Variants in PFKFB3 observed in about 807,000 individuals in gnomAD.
PFKFB3 encodes 6-phosphofructo-2-kinase/fructose-2,6-bisphosphatase 3.
A neutral mutation model predicts 68.0 loss-of-function variants in PFKFB3; 33 were observed. The observed-to-expected ratio is 0.49, with a 90% confidence interval of 0.37 to 0.65. The LOEUF (loss-of-function observed/expected upper bound fraction) is 0.65. Ranked by LOEUF, PFKFB3 falls within the 30% of genes least tolerant of loss-of-function variation. The pLI is 0.00. For synonymous variants in PFKFB3, 315 were observed against 288.2 expected (o/e 1.09, Z -0.94); for missense variants, 586 against 712.2 (o/e 0.82, Z 2.02).
downstream of PFKFB3, among the ~76,000 whole-genome samples, chr10:6,259,621 C>CCATCCATCCATCCACCCATCCAT (rs1227202482): frequency 2.6e-5 from 1 of 37,886 alleles, no homozygotes; most frequent in African/African-American, 6.1e-5. Flanking sequence ...CATCCATCCA[C>CCATCCATCCATCCACCCATCCAT]CCATCCATCC....
At chr10:6,221,883 C>T (rs528187818) in intron 10 of PFKFB3, 138 bp downstream of exon 10, 2 of 620,680 alleles carry the variant, frequency 3.2e-6, no homozygotes, top group South Asian at 3.9e-5. Context: ...AACTGAGTCC[C>T]CCCAAACTGA....
chr10:6,213,493 G>A (rs1844363533), intron 1 of PFKFB3, 130 bp from the exon 2 acceptor site: 1 of 1,064,148 alleles, frequency 9.4e-7, no homozygotes, highest in Non-Finnish European at 1.4e-6. Flanking sequence ...CTCCCGCCTG[G>A]GCAACAGAGT....
At chr10:6,200,657 AGCG>A (rs1564613366), upstream of PFKFB3, among the ~76,000 whole-genome samples, 2 of 142 alleles carry the variant, frequency 0.014, no homozygotes, top group South Asian at 0.25. Flanking sequence ...AGATGTAAGG[AGCG>A]GGGGGGGGGG....
At chr10:6,257,493 C>A (rs1343128914), downstream of PFKFB3, among the ~76,000 whole-genome samples, 1 of 152,120 alleles carries the variant, frequency 6.6e-6, no homozygotes, top group Non-Finnish European at 1.5e-5. Flanking sequence ...GTGACTTGAC[C>A]ATGGTAGGGA....
the PFKFB3 span, among the ~76,000 whole-genome samples, chr10:6,284,069 G>A: frequency 6.6e-6 from 1 of 152,150 alleles, no homozygotes; most frequent in Non-Finnish European, 1.5e-5. Context: ...GTGCTTCAGC[G>A]TTATATTTGT....
At chr10:6,183,218 A>G (rs1312308791) in intron 1 of PFKFB3, among the ~76,000 whole-genome samples, 1 of 152,220 alleles carries the variant, frequency 6.6e-6, no homozygotes, top group Non-Finnish European at 1.5e-5. Flanking sequence ...GACTTTGAAC[A>G]GCTGCGGAAT....
At chr10:6,184,236 A>C (rs188122806) in intron 1 of PFKFB3, among the ~76,000 whole-genome samples, 2,333 of 151,854 alleles carry the variant, frequency 0.015, 27 homozygotes, top group Middle Eastern at 0.027. Context: ...TATTTTTAGT[A>C]GAGACGGGGT....
At chr10:6,266,376 C>T in the PFKFB3 span, among the ~76,000 whole-genome samples, 3 of 152,124 alleles carry the variant, frequency 2.0e-5, no homozygotes, top group African/African-American at 4.8e-5. Flanking sequence ...TTGAGGACGT[C>T]GTTGATTTCT....
chr10:6,205,517 C>T (rs934791523), intron 1 of PFKFB3, among the ~76,000 whole-genome samples: 4 of 151,426 alleles, frequency 2.6e-5, no homozygotes, highest in Middle Eastern at 3.5e-3. Flanking sequence ...CTCAGTCTCC[C>T]GAGAAGCTGG....
intron 13 of PFKFB3, among the ~76,000 whole-genome samples, chr10:6,225,755 G>A (rs78978271): frequency 3.9e-3 from 58 of 14,744 alleles, no homozygotes; most frequent in Admixed American, 4.4e-3. Context: ...ATCCTGCCTC[G>A]GGTCAGCGGA....
chr10:6,157,691 A>G (rs77536518), intron 1 of PFKFB3, among the ~76,000 whole-genome samples: 2,977 of 152,312 alleles, frequency 0.02, 99 homozygotes, highest in African/African-American at 0.067. Context: ...TCAAGCTGAA[A>G]TCATCTGTTG....
At chr10:6,166,687 C>A (rs896433258) in intron 1 of PFKFB3, among the ~76,000 whole-genome samples, 1 of 152,140 alleles carries the variant, frequency 6.6e-6, no homozygotes, top group African/African-American at 2.4e-5. Flanking sequence ...CTGTTTCGGC[C>A]CATTGCCCCT....
chr10:6,237,905 G>T (rs536126858), downstream of PFKFB3, among the ~76,000 whole-genome samples: 29 of 151,818 alleles, frequency 1.9e-4, no homozygotes, highest in Admixed American at 1.9e-3. Context: ...CTCATATTTT[G>T]CAAGACAACA....
At chr10:6,273,213 C>T in the PFKFB3 span, among the ~76,000 whole-genome samples, 2 of 151,804 alleles carry the variant, frequency 1.3e-5, no homozygotes, top group Non-Finnish European at 2.9e-5. Flanking sequence ...TTGCTGGGCC[C>T]ACCTCACAGA....
chr10:6,270,994 A>G, the PFKFB3 span, among the ~76,000 whole-genome samples: 1 of 152,196 alleles, frequency 6.6e-6, no homozygotes, highest in Non-Finnish European at 1.5e-5. Flanking sequence ...CAGTTCTTAA[A>G]CTTGTTTTCT....
chr10:6,214,515 ATT>A (rs928357191), intron 2 of PFKFB3, among the ~76,000 whole-genome samples: 1 of 143,480 alleles, frequency 7.0e-6, no homozygotes, highest in African/African-American at 2.6e-5. Flanking sequence ...GGCACTGGGT[ATT>A]TTTTTTTTTT....
the PFKFB3 span, among the ~76,000 whole-genome samples, chr10:6,268,680 A>G: frequency 2.0e-5 from 3 of 151,416 alleles, no homozygotes; most frequent in East Asian, 5.8e-4. Context: ...AAGACTAGTT[A>G]ACTTTTTTTT....
At chr10:6,292,429 C>T in the PFKFB3 span, among the ~76,000 whole-genome samples, 341 of 150,740 alleles carry the variant, frequency 2.3e-3, 1 homozygote, top group Non-Finnish European at 3.5e-3. Context: ...GGACTACAGG[C>T]GCCCACCACC....
At chr10:6,153,105 T>C (rs955007158) in intron 1 of PFKFB3, among the ~76,000 whole-genome samples, 4 of 150,646 alleles carry the variant, frequency 2.7e-5, no homozygotes, top group Admixed American at 6.6e-5. Flanking sequence ...TTGCTTGAAC[T>C]GGAAGGCATT....
Sources: gnomAD v4.1 joint callset for allele counts (sites outside exome capture counted in the v4.1 genomes callset) on GRCh38, gnomAD v4.1.1 for gene constraint, MANE v1.5 for transcripts, NCBI Gene and HGNC (gene_info 2026-07-23, HGNC 2026-07-21) for gene names.